Variants in SPEN observed in about 807,000 individuals in gnomAD.
SPEN encodes the protein spen family transcriptional repressor, also known as msx2-interacting protein.
SPEN carries 18 observed loss-of-function variants against 269.9 expected under a neutral mutation model. The observed-to-expected ratio is 0.07, with a 90% confidence interval of 0.05 to 0.10. The LOEUF (loss-of-function observed/expected upper bound fraction) is 0.10. SPEN is among the 10% of genes least tolerant of loss of function. The pLI, the probability that SPEN is intolerant of heterozygous loss-of-function variation, is 1.00. For missense variants in SPEN, 3,822 were observed against 4,631.2 expected (o/e 0.83, Z 5.07); for synonymous variants, 1,726 against 1,765.7 (o/e 0.98, Z 0.56).
chr1:15,872,030 T>C (rs1179246986), intron 1 of SPEN, among the ~76,000 whole-genome samples: 1 of 146,184 alleles, frequency 6.8e-6, no homozygotes, highest in Non-Finnish European at 1.5e-5. Flanking sequence ...AGGTCAGGAG[T>C]GCAAGACCAG....
chr1:15,866,381 T>C (rs986750136), intron 1 of SPEN, among the ~76,000 whole-genome samples: 2 of 152,148 alleles, frequency 1.3e-5, no homozygotes, highest in South Asian at 4.1e-4. Context: ...TGAGACACAG[T>C]CTCACTCTGT....
At position 15,922,356 on chromosome 1, in the gene SPEN, A is replaced by G; in HGVS notation, c.1850+7A>G. On this transcript the variant is annotated splice_region_variant and intron_variant, in intron 10 of 14. Coordinates refer to ENST00000375759, the MANE Select transcript of SPEN (RefSeq NM_015001.3). The stretch of plus-strand genomic sequence containing the variant: ...AAATGTTAGCCGAAAGAAGGTATGT[A>G]TTTTAAACTTACCAGTGTAGCTTGA... 6.4e-7 allele frequency: 1 copy of G among 1,570,720 alleles called. No homozygotes were observed. The highest frequency in any genetic ancestry group is 8.7e-7 in the Non-Finnish European group (1 of 1,153,770).
In SPEN at chr1:15,932,066, A is replaced by T. The variant is rs186924441; in HGVS notation, c.5826A>T (p.Ala1942=). The T allele has an allele frequency of 1.7e-4, 274 of 1,614,136 alleles. 1 individual carries two copies. The East Asian group carries it at 5.8e-3, about 34-fold the overall frequency. The change falls in exon 11 of 15, where the codon GCA becomes GCT. Residue 1942 remains alanine, a synonymous_variant. Transcript: ENST00000375759. The surrounding 1 kb of genome is among the most constrained non-coding windows in gnomAD (Gnocchi z 4.2). ...KRLERELQEA[A]AVPTTPRRGR... is the part of the protein sequence containing the mutation. ...TGGAGCGAGAGCTTCAGGAGGCTGC[A>T]GCGGTTCCCACCACCCCTCGGAGGG... is the stretch of plus-strand genomic sequence containing the variant.
intron 5 of SPEN, among the ~76,000 whole-genome samples, chr1:15,914,495 T>C (rs1196323613): frequency 6.6e-6 from 1 of 152,190 alleles, no homozygotes; most frequent in African/African-American, 2.4e-5. Flanking sequence ...AGAAAGGCTA[T>C]GATAAATTAG....
chr1:15,938,987 AGG>A, intron 14 of SPEN, 111 bp downstream of exon 14: 1 of 1,399,272 alleles, frequency 7.1e-7, no homozygotes, highest in Non-Finnish European at 9.7e-7. Context: ...AGGTGGGCAA[AGG>A]GGCATTTTGG....
chr1:15,867,668 G>A (rs1271577957), intron 1 of SPEN, among the ~76,000 whole-genome samples: 1 of 151,176 alleles, frequency 6.6e-6, no homozygotes, highest in African/African-American at 2.4e-5. Context: ...AGCAATGTAT[G>A]AGGGTTCAGA....
intron 1 of SPEN, among the ~76,000 whole-genome samples, chr1:15,865,573 C>T (rs2070497236): frequency 6.6e-6 from 1 of 151,260 alleles, no homozygotes; most frequent in African/African-American, 2.4e-5. Context: ...CAGGCACGCA[C>T]CGCCACATCC....
intron 3 of SPEN, among the ~76,000 whole-genome samples, chr1:15,907,088 C>G (rs2070964569): frequency 6.6e-6 from 1 of 152,042 alleles, no homozygotes. Flanking sequence ...TCATCTATTG[C>G]TTTAACATGT....
At position 15,930,943 on chromosome 1, in the gene SPEN, G is replaced by C. The variant is rs1242638582; in HGVS notation, c.4703G>C (p.Gly1568Ala). ...GRIYGKQTSE[G>A]ANSTTDSIQE... ...ATCTATGGGAAGCAGACATCTGAGG[G>C]AGCAAACAGCACAACTGATTCCATT... Residue 1568 changes from glycine (G) to alanine (A), a missense_variant, in exon 11 of 15, where the codon GGA (glycine) becomes GCA (alanine). Around this residue, in one of 16 missense-constraint regions of SPEN, gnomAD observed 533 missense variants for 618.8 expected, o/e 0.86. Coordinates refer to ENST00000375759, the MANE Select transcript of SPEN (RefSeq NM_015001.3). The surrounding 1 kb of genome is among the most constrained non-coding windows in gnomAD (Gnocchi z 5.3). The C allele has an allele frequency of 6.2e-7, 1 of 1,613,968 alleles. No homozygotes were observed. The highest frequency in any genetic ancestry group is 1.7e-5 in the Admixed American group (1 of 59,988).
At position 15,873,103 on chromosome 1, in the gene SPEN, C is replaced by G. The variant is rs762629530; in HGVS notation, c.371C>G (p.Ala124Gly). The G allele has an allele frequency of 6.2e-7, 1 of 1,613,688 alleles. No individual in the cohort carries two copies. The highest frequency in any genetic ancestry group is 8.5e-7 in the Non-Finnish European group (1 of 1,179,720). Residue 124 changes from alanine to glycine, a missense_variant, in exon 2 of 15, where the codon GCA becomes GGA. Around this residue, in one of 16 missense-constraint regions of SPEN, gnomAD observed 327 missense variants for 350.8 expected, o/e 0.93. Transcript: ENST00000375759. The stretch of plus-strand genomic sequence containing the variant: ...TATGGTCCCCCACCGTCACTTCATG[C>G]ACGAGAAGGACGTTATGAGCGGAGA... ...PAYGPPPSLH[A>G]REGRYERRLD... is the part of the protein sequence containing the mutation.
In SPEN at chr1:15,934,209, C is replaced by T; in HGVS notation, c.7969C>T (p.Leu2657=). Residue 2657 remains leucine, a synonymous_variant, in exon 11 of 15, where the codon CTG becomes TTG. Coordinates refer to ENST00000375759, the MANE Select transcript of SPEN (RefSeq NM_015001.3). This position sits in a 1 kb window ranked among gnomAD's most constrained non-coding sequence, Gnocchi z 9.2. ...TGGTCTGGTGAGCGCACTCACTGGC[C>T]TGGTGAACGTCTCCCTGGTCCCGGT... ...LTGLVSALTG[L]VNVSLVPVNA... 2 of 1,614,258 alleles carry T rather than the reference C, an allele frequency of 1.2e-6. No individual in the cohort carries two copies. The highest frequency in any genetic ancestry group is 1.7e-6 in the Non-Finnish European group (2 of 1,180,046).
intron 3 of SPEN, among the ~76,000 whole-genome samples, chr1:15,907,673 T>C (rs902978076): frequency 6.6e-6 from 1 of 152,048 alleles, no homozygotes; most frequent in Non-Finnish European, 1.5e-5. Context: ...AAGTGAGGCC[T>C]CTATAACATG....
At chr1:15,859,321 T>TA in intron 1 of SPEN, among the ~76,000 whole-genome samples, 1 of 151,412 alleles carries the variant, frequency 6.6e-6, no homozygotes, top group South Asian at 2.1e-4. Flanking sequence ...GCACTCTATT[T>TA]ATAGTTCATT....
At position 15,932,036 on chromosome 1, in the gene SPEN, G is replaced by T; in HGVS notation, c.5796G>T (p.Lys1932Asn). 1 of 1,614,232 alleles carries T rather than the reference G, an allele frequency of 6.2e-7. No individual in the cohort carries two copies. The highest frequency in any genetic ancestry group is 8.5e-7 in the Non-Finnish European group (1 of 1,180,044). Residue 1932 changes from lysine to asparagine, a missense_variant, in exon 11 of 15, where the codon AAG becomes AAT. Physicochemically the swap from Lys to Asn is moderately conservative, Grantham distance 94. Coordinates refer to ENST00000375759, the MANE Select transcript of SPEN (RefSeq NM_015001.3). This position sits in a 1 kb window ranked among gnomAD's most constrained non-coding sequence, Gnocchi z 4.2. ...EPVEQPRVTR[K>N]RLERELQEAA... ...TTGAGCAACCAAGAGTGACCAGAAA[G>T]AGATTGGAGCGAGAGCTTCAGGAGG...
At chr1:15,900,094 C>A (rs2070885917) in intron 3 of SPEN, among the ~76,000 whole-genome samples, 1 of 152,154 alleles carries the variant, frequency 6.6e-6, no homozygotes, top group South Asian at 2.1e-4. Flanking sequence ...GGTCCACCGT[C>A]CTCGGCCTAC....
chr1:15,900,832 T>C (rs1164409959), intron 3 of SPEN, among the ~76,000 whole-genome samples: 3 of 152,086 alleles, frequency 2.0e-5, no homozygotes, highest in Non-Finnish European at 2.9e-5. Flanking sequence ...GTTGGGACTT[T>C]CCTGTGCACT....
In SPEN at chr1:15,937,899, C is replaced by T; in HGVS notation, c.10597C>T (p.Leu3533=). The T allele has an allele frequency of 6.2e-7, 1 of 1,614,240 alleles. No individual in the cohort carries two copies. Among genetic ancestry groups the T allele is most frequent in the East Asian group, 2.2e-5 (1 of 44,884 alleles). The change falls in exon 13 of 15, where the codon CTG becomes TTG. Residue 3533 remains leucine, a synonymous_variant. Coordinates refer to ENST00000375759, the MANE Select transcript of SPEN (RefSeq NM_015001.3). This position sits in a 1 kb window ranked among gnomAD's most constrained non-coding sequence, Gnocchi z 5.7. ...CCACTTCGTCTCTGGCAACAACGTCCTGGCCCATCGGTCCCTGCCCCTTTC... is the reference window on the plus strand; with the variant it reads ...CCACTTCGTCTCTGGCAACAACGTCTTGGCCCATCGGTCCCTGCCCCTTTC... The part of the protein sequence containing the change: ...QLHFVSGNNV[L]AHRSLPLSEG...
intron 1 of SPEN, among the ~76,000 whole-genome samples, chr1:15,864,255 T>G (rs997548661): frequency 6.6e-6 from 1 of 151,134 alleles, no homozygotes; most frequent in Non-Finnish European, 1.5e-5. Flanking sequence ...TGCAACCTCC[T>G]CTTCTTGGGT....
At chr1:15,889,115 A>G (rs1427962584) in intron 3 of SPEN, among the ~76,000 whole-genome samples, 1 of 151,034 alleles carries the variant, frequency 6.6e-6, no homozygotes, top group African/African-American at 2.4e-5. Context: ...AAATGTAGGA[A>G]TTCTCATTTT....
Sources: allele counts gnomAD v4.1 joint callset (sites outside exome capture counted in the v4.1 genomes callset), GRCh38; gene constraint gnomAD v4.1.1; regional missense constraint gnomAD v4.1.1; non-coding constraint Gnocchi (gnomAD v3.1); transcripts MANE v1.5; gene names NCBI Gene and HGNC (gene_info 2026-07-23, HGNC 2026-07-21).